The following D2HGDH variants were observed in gnomAD, a reference collection of about 807,000 sequenced individuals.
D2HGDH encodes D-2-hydroxyglutarate dehydrogenase, mitochondrial.
A neutral mutation model predicts 46.9 loss-of-function variants in D2HGDH; 31 were observed. The ratio of observed to expected loss-of-function variants is 0.66; its 90% CI spans 0.50 to 0.89. The LOEUF (loss-of-function observed/expected upper bound fraction) is 0.89, where lower values mean the gene tolerates loss of function less well. Ranked by LOEUF, D2HGDH falls within the 40% of genes least tolerant of loss-of-function variation. The pLI, the probability that D2HGDH is intolerant of heterozygous loss-of-function variation, is 0.00. For synonymous variants in D2HGDH, 364 were observed against 332.6 expected, an observed-to-expected ratio of 1.09 and a Z score of -1.03; for missense variants, 698 against 720.8, an observed-to-expected ratio of 0.97 and a Z score of 0.36.
chr2:241,760,645 T>TCGAATGACTTCGACACAGC (rs1698712984), intron 9 of D2HGDH, among the ~76,000 whole-genome samples: 1 of 144,096 alleles, frequency 6.9e-6, no homozygotes, highest in African/African-American at 2.6e-5. Context: ...TTTGCCACAG[T>TCGAATGACTTCGACACAGC]GTGGGTGGGC....
chr2:241,760,979 C>G (rs1475310429), intron 9 of D2HGDH, among the ~76,000 whole-genome samples: 2 of 152,232 alleles, frequency 1.3e-5, no homozygotes, highest in African/African-American at 4.8e-5. Flanking sequence ...CTCGCACTGT[C>G]TGTACACACA....
intron 9 of D2HGDH, among the ~76,000 whole-genome samples, chr2:241,763,121 T>C (rs1374598013): frequency 1.3e-5 from 2 of 152,236 alleles, no homozygotes; most frequent in East Asian, 1.9e-4. Flanking sequence ...GCAGCGTGAG[T>C]TCCGGGTGCA....
At position 241,744,897 on chromosome 2, in the gene D2HGDH, G is replaced by T; in HGVS notation, c.853+20G>T. On this transcript the variant is annotated intron_variant, in intron 6 of 9. Coordinates refer to ENST00000321264, the MANE Select transcript of D2HGDH (RefSeq NM_152783.5). The stretch of plus-strand genomic sequence containing the variant: ...TCCTCGGTGGGCTTCCTCGATGTGT[G>T]CCTTGAGATGGGTGGTTGGGCTCGA... 1 of 1,613,764 alleles carries T rather than the reference G, an allele frequency of 6.2e-7. No individual in the cohort carries two copies. The highest frequency in any genetic ancestry group is 8.5e-7 in the Non-Finnish European group (1 of 1,179,754).
At chr2:241,735,729 G>GT (rs780848896) in intron 2 of D2HGDH, among the ~76,000 whole-genome samples, 3 of 152,104 alleles carry the variant, frequency 2.0e-5, no homozygotes, top group Non-Finnish European at 2.9e-5. Context: ...TTGTTGTTTT[G>GT]TTTTTTCTTT....
intron 9 of D2HGDH, among the ~76,000 whole-genome samples, chr2:241,760,532 CCAAT>C (rs569143374): frequency 2.4e-3 from 363 of 151,088 alleles, no homozygotes; most frequent in African/African-American, 7.9e-3. Flanking sequence ...TGGGCCTTAC[CCAAT>C]CAGTCAAAGG....
intron 9 of D2HGDH, among the ~76,000 whole-genome samples, chr2:241,762,579 C>T (rs1228943492): frequency 6.6e-6 from 1 of 152,160 alleles, no homozygotes; most frequent in Non-Finnish European, 1.5e-5. Context: ...AACACCGTTT[C>T]TCCCCTTCCT....
rs182390005 is a variant in D2HGDH, at chr2:241,748,046, C to T, written c.854-2105C>T. Among the ~76,000 whole-genome samples, 22 of 152,314 alleles carry T rather than the reference C, an allele frequency of 1.4e-4. No homozygotes were observed. In the South Asian group the frequency reaches 1.9e-3, roughly 13 times the overall value. On this transcript the variant is annotated intron_variant, in intron 6 of 9. Transcript: ENST00000321264. The stretch of plus-strand genomic sequence containing the variant: ...AACCTGCTAGCGGGGCAAGGGCTGT[C>T]GGCCAACAGCGTTGACTTGGTGCTA...
At chr2:241,762,016 C>T (rs900868479) in intron 9 of D2HGDH, among the ~76,000 whole-genome samples, 2 of 150,384 alleles carry the variant, frequency 1.3e-5, no homozygotes, top group Non-Finnish European at 3.0e-5. Context: ...CAGTTCCCTT[C>T]GGGGGAATGG....
chr2:241,749,403 G>C, intron 6 of D2HGDH: 3 of 1,253,704 alleles, frequency 2.4e-6, no homozygotes, highest in Non-Finnish European at 3.1e-6. Flanking sequence ...CTGAAAGGTG[G>C]GCACGGGCCC....
intron 6 of D2HGDH, among the ~76,000 whole-genome samples, chr2:241,746,787 C>T (rs1432919686): frequency 6.6e-6 from 1 of 151,282 alleles, no homozygotes; most frequent in Non-Finnish European, 1.5e-5. Context: ...ACTTGGGAGG[C>T]TGAGGCAGGA....
chr2:241,761,524 G>C (rs951944132), intron 9 of D2HGDH, among the ~76,000 whole-genome samples: 1 of 152,164 alleles, frequency 6.6e-6, no homozygotes, highest in African/African-American at 2.4e-5. Context: ...GGGCAAAAGA[G>C]CGAAACTCCG....
Position 241,742,596 on chromosome 2 carries a change from G to C in D2HGDH, c.490+22G>C. 1 of 1,613,988 alleles carries C rather than the reference G, an allele frequency of 6.2e-7. No individual in the cohort carries two copies. The highest frequency in any genetic ancestry group is 8.5e-7 in the Non-Finnish European group (1 of 1,179,928). ...TCTGGTAAGCCTGTGCCACCCGTCGGGGCCCAGGAGTCCCTCCTGGTGCTG... is the reference window on the plus strand; with the variant it reads ...TCTGGTAAGCCTGTGCCACCCGTCGCGGCCCAGGAGTCCCTCCTGGTGCTG... On this transcript the variant is annotated intron_variant, in intron 4 of 9. Transcript: ENST00000321264. This position sits in a 1 kb window ranked among gnomAD's most constrained non-coding sequence, Gnocchi z 4.8.
At chr2:241,763,011 G>C (rs953908842) in intron 9 of D2HGDH, among the ~76,000 whole-genome samples, 1 of 152,218 alleles carries the variant, frequency 6.6e-6, no homozygotes, top group Non-Finnish European at 1.5e-5. Flanking sequence ...GAGGCCTGCA[G>C]GGGAGGTGGT....
chr2:241,742,658 G>T lies in D2HGDH; in HGVS notation c.490+84G>T, dbSNP rs1204091123. The T allele has an allele frequency of 6.4e-7, 1 of 1,561,914 alleles. No homozygotes were observed. The highest frequency in any genetic ancestry group is 1.7e-5 in the Admixed American group (1 of 59,744). On this transcript the variant is annotated intron_variant, in intron 4 of 9. Coordinates refer to ENST00000321264, the MANE Select transcript of D2HGDH (RefSeq NM_152783.5). The surrounding 1 kb of genome is among the most constrained non-coding windows in gnomAD (Gnocchi z 4.8). ...CCTTGCCAGCGTCTGCAACTGTGGG[G>T]TGCTTGGGTGGGTGAATGAGTTAGG...
At position 241,735,429 on chromosome 2, in the gene D2HGDH, G is replaced by A. The variant is rs745695872; in HGVS notation, c.205G>A (p.Ala69Thr). 2 of 1,608,312 alleles carry A rather than the reference G, an allele frequency of 1.2e-6. No individual in the cohort carries two copies. Among genetic ancestry groups the A allele is most frequent in the Non-Finnish European group, 1.7e-6 (2 of 1,179,114 alleles). ...FSTVSKQDLA[A>T]FERIVPGGVV... ...CACGGTGTCTAAGCAGGACCTGGCC[G>A]CCTTTGAGCGCATCGTGCCCGGCGG... Residue 69 changes from alanine (A) to threonine (T), a missense_variant, in exon 2 of 10, where the codon GCC becomes ACC. By Grantham distance (58) the Ala-to-Thr change is moderately conservative. Transcript: ENST00000321264.
Position 241,743,512 on chromosome 2 carries a change from G to C in D2HGDH, c.491-110G>C. On this transcript the variant is annotated intron_variant, in intron 4 of 9. Coordinates refer to ENST00000321264, the MANE Select transcript of D2HGDH (RefSeq NM_152783.5). The surrounding 1 kb of genome is among the most constrained non-coding windows in gnomAD (Gnocchi z 4.8). ...CTCTTCTCCTCAGCCCTGGCGCTGA[G>C]GCTGATGTTCCTTCTGGGTGGCTTG... 3.9e-6 allele frequency: 5 copies of C among 1,293,348 alleles called. No homozygotes were observed. The highest frequency in any genetic ancestry group is 5.4e-6 in the Non-Finnish European group (5 of 924,432). 80.1% of individuals were successfully genotyped at this position (1,293,348 alleles called of 1,614,324 possible). A position where few individuals can be genotyped will look rare whatever the true frequency, so the allele number is the denominator to read the frequency against.
rs142977491 is a variant in D2HGDH, at chr2:241,741,060, G to A, written c.320G>A (p.Arg107Gln). ...TGTAGCAAGGTGCTGCTGAGGCCACGGACGTCGGAGGAGGTGTCCCACATC... is the reference window on the plus strand; with the variant it reads ...TGTAGCAAGGTGCTGCTGAGGCCACAGACGTCGGAGGAGGTGTCCCACATC... ...RGCSKVLLRP[R>Q]TSEEVSHILR... Residue 107 changes from arginine (R) to glutamine (Q), a missense_variant, in exon 3 of 10, where the codon CGG becomes CAG. Arg to Gln is a conservative substitution (Grantham distance 43). Transcript: ENST00000321264. The A allele has an allele frequency of 2.0e-5, 32 of 1,614,010 alleles. No homozygotes were observed. The highest frequency in any genetic ancestry group is 4.5e-5 in the East Asian group (2 of 44,876).
At chr2:241,736,574 T>C (rs1692885592) in intron 2 of D2HGDH, among the ~76,000 whole-genome samples, 1 of 152,188 alleles carries the variant, frequency 6.6e-6, no homozygotes, top group Admixed American at 6.5e-5. Context: ...AGTTGTCTTA[T>C]AAAGACACTT....
intron 2 of D2HGDH, among the ~76,000 whole-genome samples, chr2:241,738,825 A>G (rs1693642431): frequency 6.6e-6 from 1 of 152,174 alleles, no homozygotes; most frequent in African/African-American, 2.4e-5. Flanking sequence ...GTTTGAGTCC[A>G]CAGGTTTGGT....
Sources: gnomAD v4.1 joint callset for allele counts (sites outside exome capture counted in the v4.1 genomes callset) on GRCh38, gnomAD v4.1.1 for gene constraint, Gnocchi (gnomAD v3.1) non-coding constraint, MANE v1.5 for transcripts, NCBI Gene and HGNC (gene_info 2026-07-23, HGNC 2026-07-21) for gene names.